EPHA6: variants seen among roughly 807,000 people sequenced by gnomAD.
EPHA6 encodes ephrin type-A receptor 6.
Under a neutral mutation model 112.0 loss-of-function variants are expected in EPHA6, and 50 were observed. The ratio of observed to expected loss-of-function variants is 0.45; its 90% CI spans 0.36 to 0.56. EPHA6 has a LOEUF of 0.56. Ranked by LOEUF, EPHA6 falls within the 20% of genes least tolerant of loss-of-function variation. EPHA6 has a pLI of 0.00. For missense variants in EPHA6, 1,280 were observed against 1,417.4 expected (o/e 0.90, Z 1.56); for synonymous variants, 529 against 490.7 (o/e 1.08, Z -1.03).
chr3:97,534,057 A>C (rs1393600922), intron 11 of EPHA6, among the ~76,000 whole-genome samples: 1 of 152,168 alleles, frequency 6.6e-6, no homozygotes, highest in African/African-American at 2.4e-5. Flanking sequence ...ATAACCAAAC[A>C]GATGGACCCC....
chr3:96,948,808 T>C (rs953236267), intron 2 of EPHA6, among the ~76,000 whole-genome samples: 1 of 152,142 alleles, frequency 6.6e-6, no homozygotes, highest in East Asian at 1.9e-4. Context: ...AATTAATCTG[T>C]ATTGATGTAC....
chr3:97,397,389 T>C (rs2086753569), intron 5 of EPHA6, among the ~76,000 whole-genome samples: 2 of 151,708 alleles, frequency 1.3e-5, no homozygotes, highest in Admixed American at 1.3e-4. Context: ...AAATGTCATA[T>C]AATCCTGGAT....
At chr3:97,111,741 G>T (rs899995750) in intron 3 of EPHA6, among the ~76,000 whole-genome samples, 1 of 151,678 alleles carries the variant, frequency 6.6e-6, no homozygotes, top group African/African-American at 2.4e-5. Flanking sequence ...TCTTAATAAA[G>T]CTTTGTGATA....
intron 14 of EPHA6, among the ~76,000 whole-genome samples, chr3:97,716,593 A>G (rs867880247): frequency 9.6e-5 from 12 of 124,508 alleles, no homozygotes; most frequent in Middle Eastern, 4.0e-3. Flanking sequence ...AAAAAAAAAA[A>G]AAAAAGAAAA....
At chr3:97,522,818 A>G (rs1178713680) in intron 10 of EPHA6, among the ~76,000 whole-genome samples, 1 of 152,142 alleles carries the variant, frequency 6.6e-6, no homozygotes, top group Non-Finnish European at 1.5e-5. Context: ...TATCCAATTT[A>G]TAAGCGTAAA....
At chr3:97,429,810 T>C (rs186859717) in intron 6 of EPHA6, among the ~76,000 whole-genome samples, 1 of 152,242 alleles carries the variant, frequency 6.6e-6, no homozygotes, top group Non-Finnish European at 1.5e-5. Flanking sequence ...AGTAGATATT[T>C]GTAATTTTCA....
At chr3:97,582,756 C>T (rs1039790259) in intron 11 of EPHA6, among the ~76,000 whole-genome samples, 2 of 152,100 alleles carry the variant, frequency 1.3e-5, no homozygotes, top group Non-Finnish European at 2.9e-5. Flanking sequence ...ATCCTGCCAT[C>T]TCATCCACAC....
At chr3:97,547,795 G>A (rs558812879) in intron 11 of EPHA6, among the ~76,000 whole-genome samples, 53 of 152,220 alleles carry the variant, frequency 3.5e-4, no homozygotes, top group African/African-American at 1.1e-3. Context: ...CCTCACTGCC[G>A]CCTTGCAGCT....
At chr3:97,299,887 T>TGGG (rs1204335497) in intron 5 of EPHA6, among the ~76,000 whole-genome samples, 2 of 152,186 alleles carry the variant, frequency 1.3e-5, no homozygotes, top group Non-Finnish European at 2.9e-5. Flanking sequence ...GGCATGACCT[T>TGGG]TAGAGAATAG....
intron 1 of EPHA6, among the ~76,000 whole-genome samples, chr3:96,849,765 C>A (rs1450488440): frequency 6.6e-6 from 1 of 152,068 alleles, no homozygotes; most frequent in Non-Finnish European, 1.5e-5. Context: ...ACTGGAGGTT[C>A]TTTACCTCTT....
intron 2 of EPHA6, among the ~76,000 whole-genome samples, chr3:96,895,188 G>A (rs995254171): frequency 1.3e-5 from 2 of 152,038 alleles, no homozygotes; most frequent in African/African-American, 4.8e-5. Context: ...ACAGGATAAG[G>A]AGGTGGAAGA....
intron 3 of EPHA6, among the ~76,000 whole-genome samples, chr3:97,156,306 G>C (rs1451657244): frequency 6.6e-6 from 1 of 152,040 alleles, no homozygotes; most frequent in Non-Finnish European, 1.5e-5. Context: ...ACCTGAAGCA[G>C]ATTTCATATT....
chr3:96,864,486 G>A (rs959738874), intron 1 of EPHA6, among the ~76,000 whole-genome samples: 2 of 152,026 alleles, frequency 1.3e-5, no homozygotes, highest in African/African-American at 4.8e-5. Context: ...TGACACTCTG[G>A]AAAAGACAAA....
chr3:97,648,540 T>A, intron 14 of EPHA6: 1 of 1,243,620 alleles, frequency 8.0e-7, no homozygotes, highest in Non-Finnish European at 1.0e-6. Context: ...CATGTCCAAC[T>A]TTAAGAACTT....
intron 6 of EPHA6, among the ~76,000 whole-genome samples, chr3:97,405,703 T>C (rs1379451796): frequency 6.6e-6 from 1 of 152,146 alleles, no homozygotes; most frequent in East Asian, 1.9e-4. Flanking sequence ...CAGTCGGCTA[T>C]AATTTGGAAA....
At chr3:96,953,998 G>C (rs1214249490) in intron 2 of EPHA6, among the ~76,000 whole-genome samples, 2 of 151,928 alleles carry the variant, frequency 1.3e-5, no homozygotes, top group African/African-American at 4.8e-5. Flanking sequence ...TCAGCCTCCT[G>C]TGTAGCTGGG....
At chr3:97,063,179 A>ATTGCTCT (rs1452753673) in intron 3 of EPHA6, among the ~76,000 whole-genome samples, 1 of 152,158 alleles carries the variant, frequency 6.6e-6, no homozygotes, top group Non-Finnish European at 1.5e-5. Context: ...ATATCATTTG[A>ATTGCTCT]CTCAGCAATC....
chr3:96,964,155 G>A (rs909461758), intron 2 of EPHA6, among the ~76,000 whole-genome samples: 5 of 152,128 alleles, frequency 3.3e-5, no homozygotes, highest in Admixed American at 3.3e-4. Context: ...TGTCTTTTGT[G>A]TTTCAAGCAA....
At chr3:97,137,855 A>G (rs1356724453) in intron 3 of EPHA6, among the ~76,000 whole-genome samples, 1 of 152,150 alleles carries the variant, frequency 6.6e-6, no homozygotes, top group Non-Finnish European at 1.5e-5. Flanking sequence ...AAAAATAAAA[A>G]TAAATAAATG....
Sources: allele counts gnomAD v4.1 joint callset (sites outside exome capture counted in the v4.1 genomes callset), GRCh38; gene constraint gnomAD v4.1.1; transcripts MANE v1.5; gene names NCBI Gene and HGNC (gene_info 2026-07-23, HGNC 2026-07-21).